The following DLG2 variants were observed in gnomAD, a reference collection of about 807,000 sequenced individuals.
The protein encoded by DLG2 is discs large MAGUK scaffold protein 2, also known as disks large homolog 2.
A neutral mutation model predicts 132.5 loss-of-function variants in DLG2; 45 were observed. The observed-to-expected ratio is 0.34, with a 90% CI of 0.27 to 0.44. The LOEUF is 0.44. DLG2 is among the 20% of genes least tolerant of loss of function. DLG2 has a pLI of 1.00. For missense variants in DLG2, 1,045 were observed against 1,196.9 expected, an observed-to-expected ratio of 0.87 and a Z score of 1.87; for synonymous variants, 424 against 419.6, an observed-to-expected ratio of 1.01 and a Z score of -0.13.
chr11:84,520,815 T>C (rs1396185545), intron 7 of DLG2, among the ~76,000 whole-genome samples: 2 of 152,142 alleles, frequency 1.3e-5, no homozygotes, highest in East Asian at 3.9e-4. Context: ...AAGGATAACC[T>C]CCTTAATCTT....
intron 11 of DLG2, among the ~76,000 whole-genome samples, chr11:84,044,265 G>C (rs1237839353): frequency 6.6e-6 from 1 of 151,740 alleles, no homozygotes; most frequent in African/African-American, 2.4e-5. Context: ...CATACCAGGT[G>C]CTTAATAGAT....
intron 6 of DLG2, among the ~76,000 whole-genome samples, chr11:84,620,617 A>C (rs964972370): frequency 2.0e-5 from 3 of 152,122 alleles, no homozygotes; most frequent in Non-Finnish European, 2.9e-5. Flanking sequence ...CTGAATAAAG[A>C]TATTTTTAAA....
intron 17 of DLG2, among the ~76,000 whole-genome samples, chr11:83,826,790 T>C (rs2052932051): frequency 6.6e-6 from 1 of 152,128 alleles, no homozygotes; most frequent in Non-Finnish European, 1.5e-5. Flanking sequence ...TTTGGGTGAC[T>C]CCAAGTTTTG....
chr11:84,545,274 A>T, intron 6 of DLG2: 1 of 498,318 alleles, frequency 2.0e-6, no homozygotes, highest in Non-Finnish European at 4.0e-6. Context: ...TCATGGGTCC[A>T]AAATTTGAAG....
intron 6 of DLG2, among the ~76,000 whole-genome samples, chr11:84,686,506 C>A (rs1314186715): frequency 1.3e-5 from 2 of 152,028 alleles, no homozygotes; most frequent in African/African-American, 4.8e-5. Context: ...TACTCAATGA[C>A]ATCTCATGGT....
chr11:85,361,644 T>G (rs2084164902), intron 3 of DLG2, among the ~76,000 whole-genome samples: 1 of 152,350 alleles, frequency 6.6e-6, no homozygotes, highest in Non-Finnish European at 1.5e-5. Context: ...ATTTCAGGAC[T>G]TTTTATATAG....
chr11:84,553,242 G>A (rs2099405451), intron 6 of DLG2, among the ~76,000 whole-genome samples: 1 of 152,036 alleles, frequency 6.6e-6, no homozygotes, highest in South Asian at 2.1e-4. Context: ...CCTTGAGTTT[G>A]TAATCTTTTT....
At chr11:84,867,164 G>T (rs757567243) in intron 6 of DLG2, among the ~76,000 whole-genome samples, 1 of 152,194 alleles carries the variant, frequency 6.6e-6, no homozygotes, top group Admixed American at 6.5e-5. Flanking sequence ...GCCCTCAAGG[G>T]AGTCACAGTA....
intron 8 of DLG2, among the ~76,000 whole-genome samples, chr11:84,197,125 A>G (rs990235102): frequency 7.3e-5 from 11 of 151,720 alleles, no homozygotes; most frequent in African/African-American, 2.7e-4. Flanking sequence ...TTTTTTAAAT[A>G]GAAGGCTTTG....
intron 6 of DLG2, chr11:85,020,645 C>T (rs1467875248): frequency 1.5e-5 from 6 of 389,724 alleles, no homozygotes; most frequent in Admixed American, 3.4e-5. Flanking sequence ...TGATCTTTGA[C>T]AAACCTGATA....
At chr11:83,940,726 T>G (rs12278503) in intron 14 of DLG2, among the ~76,000 whole-genome samples, 18,771 of 152,240 alleles carry the variant, frequency 0.12, 1,283 homozygotes, top group Middle Eastern at 0.17. Flanking sequence ...CAAACTGTGA[T>G]TCTCACTATC....
intron 11 of DLG2, among the ~76,000 whole-genome samples, chr11:83,992,600 G>A (rs2154183964): frequency 6.6e-6 from 1 of 152,256 alleles, no homozygotes; most frequent in East Asian, 1.9e-4. Context: ...TAGGCGGAGT[G>A]CAGTCTCCAC....
chr11:83,853,104 C>A (rs2060027986), intron 16 of DLG2, among the ~76,000 whole-genome samples: 1 of 152,198 alleles, frequency 6.6e-6, no homozygotes, highest in South Asian at 2.1e-4. Flanking sequence ...CATCTTCTGA[C>A]AAACCCTCAA....
intron 3 of DLG2, among the ~76,000 whole-genome samples, chr11:85,499,529 G>A (rs2093746393): frequency 6.6e-6 from 1 of 152,124 alleles, no homozygotes; most frequent in Admixed American, 6.6e-5. Flanking sequence ...AAGAGGAACT[G>A]GTACCATTCC....
At chr11:85,049,661 C>T (rs575587968) in intron 6 of DLG2, among the ~76,000 whole-genome samples, 3 of 152,116 alleles carry the variant, frequency 2.0e-5, no homozygotes, top group Admixed American at 2.0e-4. Context: ...CTGATACTTT[C>T]TCATGGCACA....
intron 6 of DLG2, among the ~76,000 whole-genome samples, chr11:84,971,592 A>T (rs1175321179): frequency 1.3e-5 from 2 of 152,182 alleles, no homozygotes; most frequent in East Asian, 3.8e-4. Context: ...GAGATTTTAA[A>T]ATGTCAAATA....
chr11:84,367,406 G>T (rs1226792582), intron 7 of DLG2, among the ~76,000 whole-genome samples: 1 of 152,020 alleles, frequency 6.6e-6, no homozygotes, highest in Non-Finnish European at 1.5e-5. Context: ...ACCAGCACTG[G>T]GACAGACTTG....
intron 6 of DLG2, among the ~76,000 whole-genome samples, chr11:84,691,710 T>C (rs1223094387): frequency 6.6e-6 from 1 of 151,720 alleles, no homozygotes; most frequent in African/African-American, 2.4e-5. Context: ...GAATTACATG[T>C]ATATACGTGT....
At chr11:85,028,919 T>C (rs556923713) in intron 6 of DLG2, among the ~76,000 whole-genome samples, 101 of 152,280 alleles carry the variant, frequency 6.6e-4, no homozygotes, top group Admixed American at 1.5e-3. Flanking sequence ...CAGCTGTGCC[T>C]ACCCCGCTGC....
Sources: gnomAD v4.1 joint callset for allele counts (sites outside exome capture counted in the v4.1 genomes callset) on GRCh38, gnomAD v4.1.1 for gene constraint, MANE v1.5 for transcripts, NCBI Gene and HGNC (gene_info 2026-07-23, HGNC 2026-07-21) for gene names.